Variants in CCBE1 observed in about 807,000 individuals in gnomAD.
CCBE1 encodes the protein collagen and calcium-binding EGF domain-containing protein 1.
In CCBE1, 37 loss-of-function variants were observed where a neutral mutation model predicts 50.0. The ratio of observed to expected loss-of-function variants is 0.74; its 90% CI spans 0.57 to 0.97. The LOEUF (loss-of-function observed/expected upper bound fraction) is 0.97. CCBE1 is among the 50% of genes least tolerant of loss of function. The pLI, the probability that CCBE1 is intolerant of heterozygous loss-of-function variation, is 0.00. For missense variants in CCBE1, 538 were observed against 523.8 expected (o/e 1.03, Z -0.26); for synonymous variants, 234 against 203.7 (o/e 1.15, Z -1.27).
chr18:59,504,778 T>A (rs932803989), intron 2 of CCBE1, among the ~76,000 whole-genome samples: 7 of 152,184 alleles, frequency 4.6e-5, no homozygotes, highest in African/African-American at 1.4e-4. Flanking sequence ...CTTCAGATTT[T>A]ATATTGATTT....
intron 2 of CCBE1, among the ~76,000 whole-genome samples, chr18:59,603,066 T>C (rs1185217534): frequency 1.3e-5 from 2 of 152,186 alleles, no homozygotes; most frequent in Admixed American, 6.5e-5. Context: ...AAAACTCCAT[T>C]TGTTAGTTGT....
chr18:59,582,019 C>T (rs775767875), intron 2 of CCBE1, among the ~76,000 whole-genome samples: 8 of 152,100 alleles, frequency 5.3e-5, no homozygotes, highest in Non-Finnish European at 1.2e-4. Flanking sequence ...GAGGTTAGCA[C>T]CTGACCCCTA....
intron 2 of CCBE1, among the ~76,000 whole-genome samples, chr18:59,632,390 G>A (rs897775511): frequency 3.3e-5 from 5 of 151,140 alleles, no homozygotes; most frequent in African/African-American, 4.9e-5. Flanking sequence ...AGCGATTCTC[G>A]TGCCTCAGCC....
At chr18:59,518,344 C>T (rs1465635019) in intron 2 of CCBE1, among the ~76,000 whole-genome samples, 1 of 152,236 alleles carries the variant, frequency 6.6e-6, no homozygotes, top group African/African-American at 2.4e-5. Context: ...CAAAAATTAG[C>T]CGGGTGTGAC....
chr18:59,685,792 CTGT>C (rs1374126991), intron 2 of CCBE1: 1 of 152,222 alleles, frequency 6.6e-6, no homozygotes, highest in Non-Finnish European at 1.5e-5. Context: ...ACAGAACATT[CTGT>C]TGTTATAGTG....
Position 59,463,374 on chromosome 18 carries a change from C to T in CCBE1, c.553+3365G>A, listed in dbSNP as rs117240524. On this transcript the variant is annotated intron_variant, in intron 5 of 10. Transcript: ENST00000439986. ...TCCTGAGTAGCTGGGACTCCAGGCA[C>T]GTGCCACCACACCCAGCTAACTTTT... is the stretch of plus-strand genomic sequence containing the variant. 8.9e-3 allele frequency among the ~76,000 whole-genome samples: 1,355 copies of T among 152,290 alleles called. 73 individuals are homozygous for T. The East Asian group carries it at 0.14, about 16-fold the overall frequency.
intron 2 of CCBE1, among the ~76,000 whole-genome samples, chr18:59,500,057 C>T (rs1434656361): frequency 6.6e-6 from 1 of 152,198 alleles, no homozygotes. Context: ...CTTAGCTCTT[C>T]AGCAGGGGCT....
intron 2 of CCBE1, among the ~76,000 whole-genome samples, chr18:59,584,243 C>T (rs541139584): frequency 2.0e-5 from 3 of 151,144 alleles, no homozygotes; most frequent in South Asian, 2.1e-4. Flanking sequence ...AGTAAACTAT[C>T]GCAAGGACAA....
intron 2 of CCBE1, among the ~76,000 whole-genome samples, chr18:59,643,130 A>G (rs966143778): frequency 6.6e-6 from 1 of 151,984 alleles, no homozygotes; most frequent in Non-Finnish European, 1.5e-5. Flanking sequence ...GCTTTCTTTT[A>G]TTGCCTCCTC....
intron 2 of CCBE1, among the ~76,000 whole-genome samples, chr18:59,530,548 A>G (rs113455448): frequency 1.5e-4 from 23 of 152,136 alleles, no homozygotes; most frequent in African/African-American, 5.1e-4. Context: ...ACATGCCATT[A>G]TCTCTCAGAA....
At position 59,571,245 on chromosome 18, in the gene CCBE1, C is replaced by T. The variant is rs536221492; in HGVS notation, c.213-91007G>A. Among the ~76,000 whole-genome samples the T allele has an allele frequency of 2.0e-5, 3 of 152,206 alleles. No individual in the cohort carries two copies. The South Asian group carries it at 6.2e-4, about 32-fold the overall frequency. ...TGTAACTTTTCCTTATGTGTTTCTTCTTGCTTTTAAAAAAATTAGATCTTA... is the reference window on the plus strand; with the variant it reads ...TGTAACTTTTCCTTATGTGTTTCTTTTTGCTTTTAAAAAAATTAGATCTTA... On this transcript the variant is annotated intron_variant, in intron 2 of 10. Coordinates refer to ENST00000439986, the MANE Select transcript of CCBE1 (RefSeq NM_133459.4).
intron 2 of CCBE1, among the ~76,000 whole-genome samples, chr18:59,566,318 T>G (rs948558867): frequency 6.6e-6 from 1 of 152,186 alleles, no homozygotes; most frequent in Non-Finnish European, 1.5e-5. Flanking sequence ...TGTGACCATC[T>G]TTGAGAGAAA....
intron 2 of CCBE1, chr18:59,564,046 C>G (rs1197371317): frequency 1.3e-5 from 2 of 152,214 alleles, no homozygotes; most frequent in South Asian, 2.1e-4. Context: ...ACAGCAGAAG[C>G]AGGACAAACC....
At chr18:59,497,590 G>A (rs536612192) in intron 2 of CCBE1, among the ~76,000 whole-genome samples, 16 of 152,292 alleles carry the variant, frequency 1.1e-4, no homozygotes, top group South Asian at 2.1e-4. Flanking sequence ...ATGCAGAGGC[G>A]CTGGTTATCT....
At chr18:59,546,786 C>G (rs925114428) in intron 2 of CCBE1, among the ~76,000 whole-genome samples, 3 of 152,000 alleles carry the variant, frequency 2.0e-5, no homozygotes, top group African/African-American at 4.8e-5. Context: ...TATGTTACTT[C>G]TAGGCTTTGT....
intron 2 of CCBE1, among the ~76,000 whole-genome samples, chr18:59,498,897 T>A (rs1033014332): frequency 6.6e-6 from 1 of 152,256 alleles, no homozygotes; most frequent in Non-Finnish European, 1.5e-5. Context: ...GAAATGCTTT[T>A]TAATCTGGTC....
chr18:59,630,716 A>G (rs533257700), intron 2 of CCBE1, among the ~76,000 whole-genome samples: 26 of 152,276 alleles, frequency 1.7e-4, no homozygotes, highest in African/African-American at 6.0e-4. Context: ...AGGCTCTAAG[A>G]TTAAGGGTCC....
intron 2 of CCBE1, among the ~76,000 whole-genome samples, chr18:59,588,765 T>C (rs2053215112): frequency 6.6e-6 from 1 of 152,130 alleles, no homozygotes; most frequent in Non-Finnish European, 1.5e-5. Context: ...CCTCCAGCAG[T>C]GCCAAGTGAC....
At chr18:59,682,042 A>T (rs962363541) in intron 2 of CCBE1, among the ~76,000 whole-genome samples, 1 of 152,178 alleles carries the variant, frequency 6.6e-6, no homozygotes, top group Non-Finnish European at 1.5e-5. Flanking sequence ...CTGCAGTGGA[A>T]GGTAGGGAGA....
Sources: gnomAD v4.1 joint callset for allele counts (sites outside exome capture counted in the v4.1 genomes callset) on GRCh38, gnomAD v4.1.1 for gene constraint, MANE v1.5 for transcripts, NCBI Gene and HGNC (gene_info 2026-07-23, HGNC 2026-07-21) for gene names.